The following CNOT6L variants were observed in gnomAD, a reference collection of about 807,000 sequenced individuals.
The protein encoded by CNOT6L is CCR4-NOT transcription complex subunit 6 like.
CNOT6L carries 7 observed loss-of-function variants against 64.0 expected under a neutral mutation model. The observed-to-expected ratio is 0.11, with a 90% confidence interval of 0.06 to 0.21. The LOEUF (loss-of-function observed/expected upper bound fraction) is 0.21, where lower values mean the gene tolerates loss of function less well. Ranked by LOEUF, CNOT6L falls within the 10% of genes least tolerant of loss-of-function variation. The pLI, the probability that CNOT6L is intolerant of heterozygous loss-of-function variation, is 1.00. For missense variants in CNOT6L, 245 were observed against 669.0 expected, an observed-to-expected ratio of 0.37 and a Z score of 6.99; for synonymous variants, 193 against 243.4, an observed-to-expected ratio of 0.79 and a Z score of 1.93.
At chr4:77,777,519 A>G (rs1728285214) in intron 1 of CNOT6L, among the ~76,000 whole-genome samples, 1 of 152,214 alleles carries the variant, frequency 6.6e-6, no homozygotes, top group African/African-American at 2.4e-5. Flanking sequence ...GGGGTCCAAT[A>G]TAAGAAGTAC....
chr4:77,755,670 C>G (rs1170596148), intron 5 of CNOT6L, among the ~76,000 whole-genome samples: 1 of 152,084 alleles, frequency 6.6e-6, no homozygotes, highest in Non-Finnish European at 1.5e-5. Context: ...TAGCCATAAA[C>G]TTTTCAGATA....
At chr4:77,727,562 C>CAAAAAAAAA (rs55848621) in intron 10 of CNOT6L, among the ~76,000 whole-genome samples, 4 of 84,598 alleles carry the variant, frequency 4.7e-5, no homozygotes, top group Non-Finnish European at 8.9e-5. Flanking sequence ...AACTCTGTCT[C>CAAAAAAAAA]AAAAAAAAAA....
intron 1 of CNOT6L, among the ~76,000 whole-genome samples, chr4:77,805,360 G>A (rs759769298): frequency 6.6e-6 from 1 of 152,088 alleles, no homozygotes; most frequent in Non-Finnish European, 1.5e-5. Flanking sequence ...GAGTAAAACA[G>A]GAGCTAGTAC....
rs35634501 is a variant in CNOT6L at position 77,783,150 on chromosome 4, C to CAAAAA, written c.6-6763_6-6759dup. Among the ~76,000 whole-genome samples, 94 of 101,784 alleles carry CAAAAA rather than the reference C, an allele frequency of 9.2e-4. 2 individuals carry two copies. Among genetic ancestry groups the CAAAAA allele is most frequent in the East Asian group, 1.1e-3 (4 of 3,498 alleles). The allele number at this position is 101,784 out of a possible 152,430, so 66.8% of individuals were successfully genotyped here. ...TGACATCTCCAGCTCTGTGACCACT[C>CAAAAA]AAAAAAAAAAAAAAAAAAAACACAT... On this transcript the variant is annotated intron_variant, in intron 1 of 11. Coordinates refer to ENST00000504123, the MANE Select transcript of CNOT6L (RefSeq NM_144571.3).
Position 77,728,981 on chromosome 4 carries a change from G to A in CNOT6L, c.1125C>T (p.Thr375=), listed in dbSNP as rs1163949533. 1.9e-6 allele frequency: 3 copies of A among 1,613,660 alleles called. No homozygotes were observed. The African/African-American group carries it at 4.0e-5, about 22-fold the overall frequency. The change falls in exon 10 of 12, where the codon ACC becomes ACT. Residue 375 remains threonine (T), a synonymous_variant. Transcript: ENST00000504123. ...TTTTAACCTCTGAGACAAACATCATGGTCTGGATGAGCTTCACATCAGAAT... is the reference window on the plus strand; with the variant it reads ...TTTTAACCTCTGAGACAAACATCATAGTCTGGATGAGCTTCACATCAGAAT... ...PEYSDVKLIQ[T]MMFVSEVKNI...
chr4:77,745,403 GTCCTTT>G (rs1724076804), intron 6 of CNOT6L, among the ~76,000 whole-genome samples: 4 of 152,208 alleles, frequency 2.6e-5, no homozygotes, highest in African/African-American at 9.6e-5. Context: ...ATTTTTAAAT[GTCCTTT>G]AACTATAAAA....
intron 1 of CNOT6L, among the ~76,000 whole-genome samples, chr4:77,801,516 C>G (rs1177719403): frequency 6.6e-6 from 1 of 151,514 alleles, no homozygotes; most frequent in Admixed American, 6.6e-5. Flanking sequence ...ATGTAACATA[C>G]CAAAAAAAAT....
At chr4:77,786,313 G>A (rs1577983808) in intron 1 of CNOT6L, among the ~76,000 whole-genome samples, 2 of 150,820 alleles carry the variant, frequency 1.3e-5, no homozygotes, top group Admixed American at 1.3e-4. Context: ...CAGAGAGAGA[G>A]AGGAAATAAC....
At chr4:77,725,806 G>A (rs191443631) in intron 11 of CNOT6L, among the ~76,000 whole-genome samples, 13 of 152,164 alleles carry the variant, frequency 8.5e-5, no homozygotes, top group Non-Finnish European at 1.2e-4. Context: ...TGTGGGGGGC[G>A]GGAGGTTAGG....
chr4:77,756,314 C>T (rs900937087), intron 5 of CNOT6L, among the ~76,000 whole-genome samples: 1 of 152,156 alleles, frequency 6.6e-6, no homozygotes, highest in Non-Finnish European at 1.5e-5. Flanking sequence ...TAGAAGAAAA[C>T]TTCCATTTGG....
rs201499481 is a variant in CNOT6L at position 77,714,438 on chromosome 4, TAAAAAAAAAAAAAAAAAAAAAA to T, written c.*5971_*5992del. On this transcript the variant is annotated 3_prime_UTR_variant, in exon 12 of 12. Coordinates refer to ENST00000504123, the MANE Select transcript of CNOT6L (RefSeq NM_144571.3). The stretch of plus-strand genomic sequence containing the variant: ...AGAAAAAGTACATACACACTCTCTT[TAAAAAAAAAAAAAAAAAAAAAA>T]AAAAAAAAAAAAAAAGCCCTCCATA... 18,914 of 134,644 alleles carry T rather than the reference TAAAAAAAAAAAAAAAAAAAAAA, an allele frequency of 0.14. 1,974 individuals carry two copies. Among genetic ancestry groups the T allele is most frequent in the Non-Finnish European group, 0.19 (12,438 of 64,664 alleles). The allele number at this position is 134,644 out of a possible 1,614,324, so 8.3% of individuals were successfully genotyped here.
At chr4:77,726,041 C>A in intron 11 of CNOT6L, 126 bp downstream of exon 11, 1 of 854,356 alleles carries the variant, frequency 1.2e-6, no homozygotes, top group Non-Finnish European at 1.9e-6. Flanking sequence ...GCATACTTAG[C>A]CTAGACATTT....
At chr4:77,748,531 A>G (rs1724460398) in intron 5 of CNOT6L, 147 bp from the exon 6 acceptor site, 1 of 622,980 alleles carries the variant, frequency 1.6e-6, no homozygotes, top group African/African-American at 1.8e-5. Context: ...AATGAAGATT[A>G]AGGAGCCAAA....
chr4:77,815,407 A>G (rs1398343884), intron 1 of CNOT6L, among the ~76,000 whole-genome samples: 1 of 152,164 alleles, frequency 6.6e-6, no homozygotes, highest in East Asian at 1.9e-4. Context: ...TAAGCCCCTC[A>G]GTGATGAGAG....
At chr4:77,732,438 C>T (rs553557926) in intron 8 of CNOT6L, among the ~76,000 whole-genome samples, 2 of 152,156 alleles carry the variant, frequency 1.3e-5, no homozygotes, top group African/African-American at 2.4e-5. Flanking sequence ...GGAGAGAAGA[C>T]ATAGTCTTGT....
chr4:77,750,063 C>T (rs900757894), intron 5 of CNOT6L, among the ~76,000 whole-genome samples: 2 of 151,924 alleles, frequency 1.3e-5, no homozygotes, highest in African/African-American at 4.8e-5. Flanking sequence ...CCATGGAATA[C>T]TGTTGAGTAA....
At chr4:77,757,792 C>T (rs376895557) in intron 4 of CNOT6L, among the ~76,000 whole-genome samples, 29 of 152,180 alleles carry the variant, frequency 1.9e-4, no homozygotes, top group Middle Eastern at 3.4e-3. Context: ...CTCCAGCTTC[C>T]GGGTTCAAGT....
At chr4:77,743,934 A>G (rs1723903618) in intron 7 of CNOT6L, among the ~76,000 whole-genome samples, 2 of 152,122 alleles carry the variant, frequency 1.3e-5, no homozygotes, top group African/African-American at 4.8e-5. Context: ...CACCTTTAAG[A>G]AATAGTAAGT....
chr4:77,722,323 G>A (rs891376378), intron 11 of CNOT6L, among the ~76,000 whole-genome samples: 1 of 152,086 alleles, frequency 6.6e-6, no homozygotes. Flanking sequence ...CACTTTCAGA[G>A]GCCAAGGCGG....
Sources: allele counts gnomAD v4.1 joint callset (sites outside exome capture counted in the v4.1 genomes callset), GRCh38; gene constraint gnomAD v4.1.1; transcripts MANE v1.5; gene names NCBI Gene and HGNC (gene_info 2026-07-23, HGNC 2026-07-21).